RBFOX1: variants seen among roughly 807,000 people sequenced by gnomAD.
RBFOX1 encodes RNA binding protein fox-1 homolog 1.
RBFOX1 carries 8 observed loss-of-function variants against 57.7 expected under a neutral mutation model. That is an observed-to-expected ratio of 0.14 (90% CI 0.08 to 0.25). The LOEUF is 0.25. Among genes scored for constraint, RBFOX1 ranks in the 10% least tolerant of loss-of-function variants. The probability of loss-of-function intolerance (pLI) is 1.00; values close to 1 mark genes in which losing one functional copy is unlikely to be tolerated. For synonymous variants in RBFOX1, 326 were observed against 222.4 expected (o/e 1.47, Z -4.15); for missense variants, 611 against 548.5 (o/e 1.11, Z -1.14).
chr16:6,842,199 G>C (rs1395594315), intron 3 of RBFOX1, among the ~76,000 whole-genome samples: 1 of 151,644 alleles, frequency 6.6e-6, no homozygotes, highest in African/African-American at 2.4e-5. Flanking sequence ...AATTGGAACT[G>C]AGTGTTAGCT....
At chr16:6,126,306 C>T (rs114974908) in intron 1 of RBFOX1, among the ~76,000 whole-genome samples, 2 of 152,226 alleles carry the variant, frequency 1.3e-5, no homozygotes, top group Non-Finnish European at 2.9e-5. Context: ...GGTGTTAGCC[C>T]TCTCTTACCT....
intron 12 of RBFOX1, among the ~76,000 whole-genome samples, chr16:7,662,324 C>A (rs1422791485): frequency 6.6e-6 from 1 of 152,176 alleles, no homozygotes; most frequent in Non-Finnish European, 1.5e-5. Flanking sequence ...AGGTTCGAGT[C>A]TGTTAATCGT....
At chr16:6,221,062 C>T (rs907048507) in intron 1 of RBFOX1, among the ~76,000 whole-genome samples, 12 of 151,924 alleles carry the variant, frequency 7.9e-5, no homozygotes, top group Non-Finnish European at 1.8e-4. Context: ...AATAATGCCC[C>T]AACGGGTAAC....
chr16:6,323,078 G>C (rs1020690370), intron 2 of RBFOX1, among the ~76,000 whole-genome samples: 13 of 152,006 alleles, frequency 8.6e-5, no homozygotes, highest in African/African-American at 3.1e-4. Context: ...GACCTTTTTC[G>C]ATCGAATGAG....
intron 4 of RBFOX1, among the ~76,000 whole-genome samples, chr16:7,277,841 GTGTT>G (rs1372168935): frequency 6.6e-6 from 1 of 151,904 alleles, no homozygotes; most frequent in Non-Finnish European, 1.5e-5. Context: ...TCCCACGTCA[GTGTT>G]TGAGAACACT....
At chr16:6,204,783 C>G (rs990957722) in intron 1 of RBFOX1, among the ~76,000 whole-genome samples, 4 of 152,008 alleles carry the variant, frequency 2.6e-5, no homozygotes, top group African/African-American at 4.8e-5. Flanking sequence ...CAATGGATGC[C>G]TTTTGTCAGC....
intron 3 of RBFOX1, among the ~76,000 whole-genome samples, chr16:5,696,825 T>A (rs1596805445): frequency 6.6e-6 from 1 of 152,242 alleles, no homozygotes; most frequent in South Asian, 2.1e-4. Flanking sequence ...TTGATTTATA[T>A]ATTTAAATTA....
chr16:7,183,263 G>A (rs975262108), intron 4 of RBFOX1, among the ~76,000 whole-genome samples: 1 of 152,064 alleles, frequency 6.6e-6, no homozygotes, highest in Non-Finnish European at 1.5e-5. Context: ...GGTGAATCAC[G>A]AAAACATATT....
intron 4 of RBFOX1, among the ~76,000 whole-genome samples, chr16:7,181,016 C>T (rs1021856026): frequency 1.5e-4 from 23 of 152,178 alleles, no homozygotes; most frequent in African/African-American, 4.8e-4. Context: ...TGGAATGTTG[C>T]GGCATTGCAG....
intron 1 of RBFOX1, among the ~76,000 whole-genome samples, chr16:6,054,064 A>G (rs1202922920): frequency 1.3e-5 from 2 of 152,162 alleles, no homozygotes; most frequent in African/African-American, 4.8e-5. Context: ...AGAAAAAAAG[A>G]AATTAAATTT....
intron 3 of RBFOX1, among the ~76,000 whole-genome samples, chr16:5,832,925 A>G (rs1416463517): frequency 6.6e-6 from 1 of 152,212 alleles, no homozygotes; most frequent in Non-Finnish European, 1.5e-5. Context: ...CCCAGGCTGT[A>G]GAAATCCTGA....
At chr16:5,349,889 C>T (rs939606605) in intron 1 of RBFOX1, among the ~76,000 whole-genome samples, 2 of 152,172 alleles carry the variant, frequency 1.3e-5, no homozygotes, top group African/African-American at 4.8e-5. Flanking sequence ...CCAGGAAACA[C>T]ATGTGCACCA....
chr16:5,261,031 A>G (rs1236533040), intron 1 of RBFOX1: 2 of 152,170 alleles, frequency 1.3e-5, no homozygotes, highest in Non-Finnish European at 2.9e-5. Flanking sequence ...CCAGATAGTT[A>G]CTTTGTCATT....
intron 4 of RBFOX1, among the ~76,000 whole-genome samples, chr16:6,012,728 G>A (rs375575331): frequency 8.9e-4 from 135 of 152,310 alleles, no homozygotes; most frequent in South Asian, 8.7e-3. Context: ...GATGTTACTG[G>A]TCCTTTATTC....
chr16:7,571,969 A>G (rs1046413908), intron 5 of RBFOX1, among the ~76,000 whole-genome samples: 3 of 152,150 alleles, frequency 2.0e-5, no homozygotes, highest in African/African-American at 7.2e-5. Flanking sequence ...TCTCTATTCA[A>G]TCTAAAAATT....
At chr16:6,988,784 TG>T (rs1455453234) in intron 3 of RBFOX1, among the ~76,000 whole-genome samples, 1 of 150,526 alleles carries the variant, frequency 6.6e-6, no homozygotes, top group African/African-American at 2.4e-5. Context: ...TTTTTGTTTT[TG>T]TTTTTAAGAT....
chr16:6,102,327 G>T (rs1439105507), intron 1 of RBFOX1, among the ~76,000 whole-genome samples: 1 of 152,022 alleles, frequency 6.6e-6, no homozygotes, highest in Non-Finnish European at 1.5e-5. Context: ...TGTAGTAAGA[G>T]TTTGTTAATT....
At chr16:6,915,999 T>C (rs1597126699) in intron 3 of RBFOX1, among the ~76,000 whole-genome samples, 1 of 142,762 alleles carries the variant, frequency 7.0e-6, no homozygotes, top group South Asian at 2.2e-4. Context: ...AAAGCTGTTT[T>C]ACTGGGAAAA....
intron 2 of RBFOX1, among the ~76,000 whole-genome samples, chr16:6,411,032 A>G (rs959372547): frequency 6.6e-6 from 1 of 152,222 alleles, no homozygotes; most frequent in Non-Finnish European, 1.5e-5. Context: ...CAGAAGAGGA[A>G]ACCATGGCTC....
Sources: allele counts gnomAD v4.1 joint callset (sites outside exome capture counted in the v4.1 genomes callset), GRCh38; gene constraint gnomAD v4.1.1; transcripts MANE v1.5; gene names NCBI Gene and HGNC (gene_info 2026-07-23, HGNC 2026-07-21).